FDX1: variants seen among roughly 807,000 people sequenced by gnomAD.
FDX1 encodes the protein adrenodoxin, mitochondrial.
FDX1 carries 9 observed loss-of-function variants against 14.9 expected under a neutral mutation model. That is an observed-to-expected ratio of 0.60 (90% CI 0.36 to 1.05). The LOEUF is 1.05. Among genes scored for constraint, FDX1 ranks in the 50% least tolerant of loss-of-function variants. The pLI, the probability that FDX1 is intolerant of heterozygous loss-of-function variation, is 0.01. For synonymous variants in FDX1, 92 were observed against 99.4 expected (o/e 0.93, Z 0.44); for missense variants, 204 against 237.2 (o/e 0.86, Z 0.92).
chr11:110,443,202 G>A (rs1946416307), intron 2 of FDX1, among the ~76,000 whole-genome samples: 1 of 152,108 alleles, frequency 6.6e-6, no homozygotes, highest in Non-Finnish European at 1.5e-5. Context: ...CAAAACTGTG[G>A]CAGTGTACCT....
chr11:110,435,684 CA>C, intron 1 of FDX1, 149 bp from the exon 2 acceptor site: 1 of 547,224 alleles, frequency 1.8e-6, no homozygotes, highest in Non-Finnish European at 3.0e-6. Context: ...CCCGTCACTA[CA>C]AAAAATAAAA....
intron 2 of FDX1, among the ~76,000 whole-genome samples, chr11:110,452,223 A>G (rs954411326): frequency 9.2e-5 from 14 of 151,982 alleles, no homozygotes; most frequent in Non-Finnish European, 1.6e-4. Flanking sequence ...ATTCTTATAT[A>G]TAAGAAAAAT....
At chr11:110,443,755 GC>G (rs747077813) in intron 2 of FDX1, among the ~76,000 whole-genome samples, 3 of 151,790 alleles carry the variant, frequency 2.0e-5, no homozygotes, top group Non-Finnish European at 4.4e-5. Flanking sequence ...AACAGCTAAT[GC>G]CCTTTCTGAT....
Position 110,450,833 on chromosome 11 carries a change from T to C in FDX1, c.311-6085T>C, listed in dbSNP as rs997874661. 4.6e-5 allele frequency among the ~76,000 whole-genome samples: 7 copies of C among 152,214 alleles called. No individual in the cohort carries two copies. The East Asian group carries it at 1.3e-3, about 29-fold the overall frequency. The stretch of plus-strand genomic sequence containing the variant: ...ATATATATACATGTACATACATGTA[T>C]ACACATAGACATACACATTTTCCCT... On this transcript the variant is annotated intron_variant, in intron 2 of 3. Coordinates refer to ENST00000260270, the MANE Select transcript of FDX1 (RefSeq NM_004109.5).
At chr11:110,452,715 C>T (rs577113295) in intron 2 of FDX1, among the ~76,000 whole-genome samples, 1 of 152,038 alleles carries the variant, frequency 6.6e-6, no homozygotes, top group South Asian at 2.1e-4. Flanking sequence ...AGAAACAAAC[C>T]ATGGGACATT....
intron 2 of FDX1, among the ~76,000 whole-genome samples, chr11:110,454,148 TTATTA>T (rs1946505730): frequency 6.6e-6 from 1 of 152,250 alleles, no homozygotes; most frequent in African/African-American, 2.4e-5. Flanking sequence ...TTTCAAATTC[TTATTA>T]GAATAGTCTC....
intron 3 of FDX1, among the ~76,000 whole-genome samples, chr11:110,460,422 C>T (rs1039688682): frequency 6.6e-6 from 1 of 152,232 alleles, no homozygotes. Flanking sequence ...AAACACCCAT[C>T]TTGCTTTAAA....
chr11:110,460,673 G>T (rs1300662291), intron 3 of FDX1, among the ~76,000 whole-genome samples: 1 of 152,176 alleles, frequency 6.6e-6, no homozygotes, highest in African/African-American at 2.4e-5. Flanking sequence ...CCCTTTGATT[G>T]AAAGTTTACT....
chr11:110,434,850 A>G (rs1414083819), intron 1 of FDX1, among the ~76,000 whole-genome samples: 1 of 146,542 alleles, frequency 6.8e-6, no homozygotes, highest in South Asian at 2.2e-4. Context: ...CCTCAGCCCC[A>G]TGAGTAGCTG....
chr11:110,455,420 T>C (rs1946515624), intron 2 of FDX1, among the ~76,000 whole-genome samples: 1 of 152,152 alleles, frequency 6.6e-6, no homozygotes, highest in African/African-American at 2.4e-5. Flanking sequence ...TTGTTAACAG[T>C]GGTTGTGTAT....
chr11:110,458,207 AAAG>A (rs1454763419), intron 3 of FDX1, among the ~76,000 whole-genome samples: 17 of 152,356 alleles, frequency 1.1e-4, no homozygotes, highest in African/African-American at 2.4e-4. Context: ...TTCTAATTGA[AAAG>A]AAAGGGAAAA....
chr11:110,446,478 C>T (rs960725564), intron 2 of FDX1, among the ~76,000 whole-genome samples: 1 of 152,190 alleles, frequency 6.6e-6, no homozygotes, highest in Non-Finnish European at 1.5e-5. Context: ...CAGACCTCTC[C>T]TCTGAGCCCT....
intron 3 of FDX1, among the ~76,000 whole-genome samples, chr11:110,458,420 A>G (rs572350816): frequency 2.6e-5 from 4 of 152,314 alleles, no homozygotes; most frequent in African/African-American, 9.6e-5. Context: ...TTTCACAGGT[A>G]GCATTTACAA....
chr11:110,436,936 TGA>T (rs1946373778), intron 2 of FDX1, among the ~76,000 whole-genome samples: 1 of 152,182 alleles, frequency 6.6e-6, no homozygotes, highest in African/African-American at 2.4e-5. Flanking sequence ...TGAGGTTACC[TGA>T]GTCACCTCAT....
chr11:110,430,973 C>G (rs1355103452), intron 1 of FDX1, among the ~76,000 whole-genome samples: 2 of 152,206 alleles, frequency 1.3e-5, no homozygotes, highest in South Asian at 4.1e-4. Flanking sequence ...CCCAGTTTCT[C>G]CATTTGCAAG....
intron 3 of FDX1, among the ~76,000 whole-genome samples, chr11:110,458,354 A>C (rs1028565917): frequency 1.3e-5 from 2 of 152,194 alleles, no homozygotes; most frequent in Non-Finnish European, 2.9e-5. Context: ...TATAGCTGGT[A>C]TTCTTAAGTA....
intron 2 of FDX1, among the ~76,000 whole-genome samples, chr11:110,445,504 A>G (rs1946444753): frequency 2.6e-5 from 4 of 152,232 alleles, no homozygotes; most frequent in Non-Finnish European, 5.9e-5. Flanking sequence ...ACATATAAAA[A>G]CATATCATCT....
At chr11:110,447,403 G>A (rs1946458490) in intron 2 of FDX1, among the ~76,000 whole-genome samples, 1 of 151,626 alleles carries the variant, frequency 6.6e-6, no homozygotes, top group East Asian at 1.9e-4. Flanking sequence ...GCAGTGAGCC[G>A]AGATTGCACC....
rs117598924 is a variant in FDX1, at chr11:110,440,006, G to A, written c.310+4048G>A. ...TTCTAGATGTATGGCTTTATTTTTC[G>A]GGTCTCTATTCTGTTCCTTTGGTCT... On this transcript the variant is annotated intron_variant, in intron 2 of 3. Coordinates refer to ENST00000260270, the MANE Select transcript of FDX1 (RefSeq NM_004109.5). Among the ~76,000 whole-genome samples the A allele has an allele frequency of 9.1e-3, 1,382 of 152,000 alleles. 8 individuals are homozygous for A. The highest frequency in any genetic ancestry group is 0.015 in the South Asian group (72 of 4,802).
Sources: gnomAD v4.1 joint callset for allele counts (sites outside exome capture counted in the v4.1 genomes callset) on GRCh38, gnomAD v4.1.1 for gene constraint, MANE v1.5 for transcripts, NCBI Gene and HGNC (gene_info 2026-07-23, HGNC 2026-07-21) for gene names.